Variants in FANCC observed in about 807,000 individuals in gnomAD.
FANCC encodes Fanconi anemia group C protein.
A neutral mutation model predicts 71.3 loss-of-function variants in FANCC; 55 were observed. The ratio of observed to expected loss-of-function variants is 0.77; its 90% CI spans 0.62 to 0.97. The LOEUF (loss-of-function observed/expected upper bound fraction) is 0.97. FANCC is among the 50% of genes least tolerant of loss of function. The pLI is 0.00. For synonymous variants in FANCC, 275 were observed against 244.9 expected (o/e 1.12, Z -1.15); for missense variants, 678 against 670.9 (o/e 1.01, Z -0.12).
chr9:95,232,007 G>T (rs1830038009), intron 4 of FANCC, among the ~76,000 whole-genome samples: 1 of 152,182 alleles, frequency 6.6e-6, no homozygotes, highest in African/African-American at 2.4e-5. Flanking sequence ...ATAAAGAAAA[G>T]AGCTTCAACT....
chr9:95,293,919 T>C (rs1306070450), intron 1 of FANCC: 3 of 1,594,502 alleles, frequency 1.9e-6, no homozygotes, highest in East Asian at 2.2e-5. Flanking sequence ...CATATAATGT[T>C]GCTACAAGTA....
chr9:95,147,406 C>G (rs1490142385), intron 7 of FANCC, among the ~76,000 whole-genome samples: 1 of 152,156 alleles, frequency 6.6e-6, no homozygotes, highest in Non-Finnish European at 1.5e-5. Flanking sequence ...ATCCCAGCTA[C>G]TCGGGAGGCT....
At chr9:95,306,502 A>G (rs4647366) in intron 1 of FANCC, among the ~76,000 whole-genome samples, 2,115 of 152,318 alleles carry the variant, frequency 0.014, 19 homozygotes, top group Non-Finnish European at 0.022. Context: ...CCCCTTGGAC[A>G]TCGAACTACT....
intron 1 of FANCC, among the ~76,000 whole-genome samples, chr9:95,297,950 A>G (rs1834486686): frequency 6.6e-6 from 1 of 152,236 alleles, no homozygotes; most frequent in African/African-American, 2.4e-5. Flanking sequence ...TACAAAACAG[A>G]GTAAGGACTC....
intron 4 of FANCC, among the ~76,000 whole-genome samples, chr9:95,209,216 G>T (rs898414735): frequency 6.6e-6 from 1 of 152,210 alleles, no homozygotes; most frequent in Non-Finnish European, 1.5e-5. Flanking sequence ...GGCTGCTAGG[G>T]ATTAGGGAGA....
chr9:95,209,867 A>G (rs1828382191), intron 4 of FANCC, among the ~76,000 whole-genome samples: 1 of 152,172 alleles, frequency 6.6e-6, no homozygotes, highest in African/African-American at 2.4e-5. Flanking sequence ...GCAGCCTGCT[A>G]AAGATTGTAA....
At chr9:95,255,103 G>A (rs936672211) in intron 1 of FANCC, among the ~76,000 whole-genome samples, 1 of 152,186 alleles carries the variant, frequency 6.6e-6, no homozygotes, top group African/African-American at 2.4e-5. Context: ...CAGAGCACCT[G>A]GGGGAAGGGG....
chr9:95,110,056 G>T (rs986849697), intron 13 of FANCC, among the ~76,000 whole-genome samples: 1 of 152,282 alleles, frequency 6.6e-6, no homozygotes, highest in South Asian at 2.1e-4. Context: ...TGACAGAATG[G>T]GGGGAAGGGA....
intron 9 of FANCC, 60 bp from the exon 10 acceptor site, chr9:95,125,245 C>G: frequency 1.5e-6 from 2 of 1,358,902 alleles, no homozygotes; most frequent in East Asian, 2.3e-5. Flanking sequence ...AACATGAAAA[C>G]CTGCACTGTA....
At chr9:95,146,738 C>T (rs1829619277) in intron 7 of FANCC, among the ~76,000 whole-genome samples, 1 of 151,868 alleles carries the variant, frequency 6.6e-6, no homozygotes, top group Non-Finnish European at 1.5e-5. Flanking sequence ...CAGAGCCACT[C>T]GTAACTTGGA....
At chr9:95,250,825 T>A (rs1394888826) in intron 1 of FANCC, among the ~76,000 whole-genome samples, 2 of 152,212 alleles carry the variant, frequency 1.3e-5, no homozygotes, top group Non-Finnish European at 2.9e-5. Context: ...CCGTCTCCAA[T>A]TCATTCTCTA....
At chr9:95,204,047 T>C (rs542061890) in intron 4 of FANCC, among the ~76,000 whole-genome samples, 110 of 152,238 alleles carry the variant, frequency 7.2e-4, no homozygotes, top group African/African-American at 2.6e-3. Flanking sequence ...GTGGAGGGGA[T>C]AACTGTAAAT....
chr9:95,307,017 T>G (rs1835107016), intron 1 of FANCC, among the ~76,000 whole-genome samples: 1 of 152,130 alleles, frequency 6.6e-6, no homozygotes, highest in South Asian at 2.1e-4. Context: ...TCACACTGTA[T>G]GGGTCTACAG....
chr9:95,221,781 G>C (rs999213540), intron 4 of FANCC, among the ~76,000 whole-genome samples: 1 of 152,148 alleles, frequency 6.6e-6, no homozygotes, highest in Non-Finnish European at 1.5e-5. Context: ...CAAATCATCA[G>C]GGAAATTCAT....
intron 1 of FANCC, among the ~76,000 whole-genome samples, chr9:95,312,474 C>G (rs1298312710): frequency 6.6e-5 from 10 of 152,162 alleles, no homozygotes; most frequent in Non-Finnish European, 1.2e-4. Context: ...ACGATCCTCC[C>G]ACATCAGCCT....
chr9:95,137,501 G>T (rs1435970575), intron 7 of FANCC, among the ~76,000 whole-genome samples: 1 of 152,066 alleles, frequency 6.6e-6, no homozygotes. Context: ...TCCCACACCT[G>T]GCAAAGCCCT....
At chr9:95,155,294 C>A (rs1365321370) in intron 6 of FANCC, among the ~76,000 whole-genome samples, 3 of 7,116 alleles carry the variant, frequency 4.2e-4, no homozygotes, top group Non-Finnish European at 7.8e-4. Flanking sequence ...AGGAAGGGGA[C>A]GGAAGGGGAG....
chr9:95,277,394 G>A (rs1833106499), intron 1 of FANCC, among the ~76,000 whole-genome samples: 1 of 152,114 alleles, frequency 6.6e-6, no homozygotes, highest in African/African-American at 2.4e-5. Context: ...AAGAAACAAT[G>A]TTTCAGATGA....
chr9:95,303,626 C>T (rs1834888572), intron 1 of FANCC, among the ~76,000 whole-genome samples: 1 of 152,198 alleles, frequency 6.6e-6, no homozygotes, highest in African/African-American at 2.4e-5. Flanking sequence ...TAGGCAGCCA[C>T]CTGTGTCCTC....
Sources: gnomAD v4.1 joint callset for allele counts (sites outside exome capture counted in the v4.1 genomes callset) on GRCh38, gnomAD v4.1.1 for gene constraint, MANE v1.5 for transcripts, NCBI Gene and HGNC (gene_info 2026-07-23, HGNC 2026-07-21) for gene names.